The following WDFY3 variants were observed in gnomAD, a reference collection of about 807,000 sequenced individuals.
WDFY3 encodes the protein WD repeat and FYVE domain containing 3.
WDFY3 carries 66 observed loss-of-function variants against 409.6 expected under a neutral mutation model. That is an observed-to-expected ratio of 0.16 (90% CI 0.13 to 0.20). WDFY3 has a LOEUF of 0.20. WDFY3 is among the 10% of genes least tolerant of loss of function. The pLI is 1.00. For synonymous variants in WDFY3, 1,521 were observed against 1,537.1 expected (o/e 0.99, Z 0.25); for missense variants, 3,031 against 4,298.1 (o/e 0.71, Z 8.24).
chr4:84,681,988 C>T (rs891338372), intron 64 of WDFY3, among the ~76,000 whole-genome samples: 4 of 152,354 alleles, frequency 2.6e-5, no homozygotes, highest in East Asian at 1.9e-4. Context: ...GTTGTCCACA[C>T]TGAGCCAGCC....
chr4:84,726,821 A>G (rs1735735659), intron 45 of WDFY3, 40 bp downstream of exon 45: 3 of 1,572,180 alleles, frequency 1.9e-6, no homozygotes, highest in African/African-American at 2.8e-5. Flanking sequence ...AAACAAAACT[A>G]CAAGTAGTTT....
chr4:84,755,748 A>G (rs965969165), intron 33 of WDFY3, among the ~76,000 whole-genome samples: 1 of 152,226 alleles, frequency 6.6e-6, no homozygotes, highest in African/African-American at 2.4e-5. Context: ...TCTTTTAAAC[A>G]AAGCACATTA....
At chr4:84,737,109 TCA>T in intron 41 of WDFY3, 73 bp downstream of exon 41, 1 of 1,499,698 alleles carries the variant, frequency 6.7e-7, no homozygotes, top group Non-Finnish European at 9.2e-7. Flanking sequence ...AATGCTGTAG[TCA>T]CATATTTAAA....
chr4:84,718,861 G>T (rs1734389504), intron 47 of WDFY3, among the ~76,000 whole-genome samples: 1 of 152,112 alleles, frequency 6.6e-6, no homozygotes. Flanking sequence ...ATTAGATAAG[G>T]CTCCTGCTCT....
At chr4:84,848,196 G>A (rs531681071) in intron 5 of WDFY3, among the ~76,000 whole-genome samples, 1 of 151,288 alleles carries the variant, frequency 6.6e-6, no homozygotes, top group Non-Finnish European at 1.5e-5. Flanking sequence ...TCTACCACAA[G>A]GCATGTTATT....
intron 11 of WDFY3, 128 bp from the exon 12 acceptor site, chr4:84,820,314 T>C: frequency 3.1e-6 from 2 of 652,498 alleles, no homozygotes; most frequent in Non-Finnish European, 2.4e-6. Context: ...AGATATAATA[T>C]AATCTTTAAA....
chr4:84,714,874 C>T (rs1309343614), intron 50 of WDFY3, among the ~76,000 whole-genome samples: 3 of 149,624 alleles, frequency 2.0e-5, no homozygotes, highest in South Asian at 2.1e-4. Flanking sequence ...GGCGTGAACC[C>T]GGGAGGCGGA....
chr4:84,804,412 G>A (rs1751169281), intron 15 of WDFY3, among the ~76,000 whole-genome samples: 1 of 152,116 alleles, frequency 6.6e-6, no homozygotes, highest in South Asian at 2.1e-4. Flanking sequence ...TGATTTAGTA[G>A]CAAAGAATTG....
At position 84,753,754 on chromosome 4, in the gene WDFY3, G is replaced by A. The variant is rs1740938163; in HGVS notation, c.5682C>T (p.Phe1894=). The change falls in exon 35 of 68, where the codon TTC becomes TTT. Residue 1894 remains phenylalanine, a synonymous_variant. Transcript: ENST00000295888. ...AGACGGTGGCTGCTAATGCACACAGGAAGTCAGGGCTCATCCACATGGAGG... is the reference window on the plus strand; with the variant it reads ...AGACGGTGGCTGCTAATGCACACAGAAAGTCAGGGCTCATCCACATGGAGG... ...DLASMWMSPD[F]LCALAATVFP... The A allele has an allele frequency of 1.2e-6, 2 of 1,610,064 alleles. No homozygotes were observed. Among genetic ancestry groups the A allele is most frequent in the Non-Finnish European group, 1.7e-6 (2 of 1,178,354 alleles).
intron 29 of WDFY3, among the ~76,000 whole-genome samples, chr4:84,773,232 G>A (rs574105546): frequency 6.6e-6 from 1 of 152,164 alleles, no homozygotes; most frequent in Non-Finnish European, 1.5e-5. Context: ...ACCATTAGGT[G>A]ATAATATTTA....
At chr4:84,673,569 CAGTT>C (rs1225464159) in intron 67 of WDFY3, among the ~76,000 whole-genome samples, 2 of 152,142 alleles carry the variant, frequency 1.3e-5, no homozygotes, top group African/African-American at 4.8e-5. Context: ...ATTTCTTAAA[CAGTT>C]AGACTGGCTT....
Position 84,817,471 on chromosome 4 carries a change from T to C in WDFY3, c.1808A>G (p.Asp603Gly), listed in dbSNP as rs1275981531. 1 of 1,613,770 alleles carries C rather than the reference T, an allele frequency of 6.2e-7. No homozygotes were observed. Among genetic ancestry groups the C allele is most frequent in the East Asian group, 2.2e-5 (1 of 44,854 alleles). ...IQQLVLSPNG[D>G]DDMGTLLGLM... ...CCCCAGGAGAGTGCCCATGTCATCG[T>C]CCCCATTTGGGGAGAGCACCAGCTG... The change falls in exon 13 of 68, where the codon GAC becomes GGC. Residue 603 changes from aspartate (D) to glycine (G), a missense_variant. Physicochemically the swap from Asp to Gly is moderately conservative, Grantham distance 94 (BLOSUM62 -1). Around this residue, in one of 16 missense-constraint regions of WDFY3, gnomAD observed 1,322 missense variants for 1,697.9 expected, o/e 0.78. Coordinates refer to ENST00000295888, the MANE Select transcript of WDFY3 (RefSeq NM_014991.6).
rs147984001 is a variant in WDFY3 at position 84,722,204 on chromosome 4, A to G, written c.7442-632T>C. On this transcript the variant is annotated intron_variant, in intron 46 of 67. Coordinates refer to ENST00000295888, the MANE Select transcript of WDFY3 (RefSeq NM_014991.6). ...GGAGTTTGAGACTAGCCTGGGCAAC[A>G]TGGCAAAACCCCGTCTCTACTAAAA... is the stretch of plus-strand genomic sequence containing the variant. 4.1e-3 allele frequency among the ~76,000 whole-genome samples: 623 copies of G among 152,244 alleles called. 4 individuals carry two copies. The highest frequency in any genetic ancestry group is 0.014 in the African/African-American group (583 of 41,552).
intron 13 of WDFY3, 126 bp from the exon 14 acceptor site, chr4:84,810,470 A>C: frequency 1.2e-6 from 1 of 825,678 alleles, no homozygotes; most frequent in Non-Finnish European, 1.8e-6. Flanking sequence ...TTTACCCAAT[A>C]AACGGTCCTA....
At chr4:84,794,482 C>T in intron 21 of WDFY3, 37 bp downstream of exon 21, 1 of 1,568,356 alleles carries the variant, frequency 6.4e-7, no homozygotes, top group Non-Finnish European at 8.7e-7. Context: ...TTTAATACTT[C>T]TATAATCAAA....
chr4:84,753,988 C>A (rs79760532), intron 34 of WDFY3, 112 bp from the exon 35 acceptor site: 1 of 1,193,980 alleles, frequency 8.4e-7, no homozygotes, highest in South Asian at 2.3e-5. Context: ...ATTGATGGTC[C>A]AGAACTCTGT....
chr4:84,881,805 C>T (rs977430304), intron 3 of WDFY3, among the ~76,000 whole-genome samples: 9 of 151,126 alleles, frequency 6.0e-5, no homozygotes, highest in African/African-American at 1.9e-4. Flanking sequence ...TGATCCCAAG[C>T]GGTGCGTGAA....
chr4:84,694,204 A>G lies in WDFY3; in HGVS notation c.8902-1172T>C, dbSNP rs114337628. On this transcript the variant is annotated intron_variant, in intron 58 of 67. Transcript: ENST00000295888. ...TAAAGGACTATAAGATCAGGCTTCT[A>G]TAAAGATACATAGTTTTAAAGCACT... Among the ~76,000 whole-genome samples the G allele has an allele frequency of 8.9e-3, 1,353 of 152,336 alleles. 16 individuals carry two copies. Among genetic ancestry groups the G allele is most frequent in the African/African-American group, 0.031 (1,292 of 41,572 alleles).
At chr4:84,818,293 C>T (rs1287423416) in intron 12 of WDFY3, among the ~76,000 whole-genome samples, 1 of 152,066 alleles carries the variant, frequency 6.6e-6, no homozygotes, top group Non-Finnish European at 1.5e-5. Flanking sequence ...TAATATCATC[C>T]TCCAGTATTA....
Sources: gnomAD v4.1 joint callset for allele counts (sites outside exome capture counted in the v4.1 genomes callset) on GRCh38, gnomAD v4.1.1 for gene constraint, gnomAD v4.1.1 regional missense constraint, MANE v1.5 for transcripts, NCBI Gene and HGNC (gene_info 2026-07-23, HGNC 2026-07-21) for gene names.